The following UTP23 variants were observed in gnomAD, a reference collection of about 807,000 sequenced individuals.
The protein encoded by UTP23 is UTP23 small subunit processome component, also known as rRNA-processing protein UTP23 homolog.
UTP23 carries 10 observed loss-of-function variants against 19.8 expected under a neutral mutation model. That is an observed-to-expected ratio of 0.50 (90% CI 0.31 to 0.86). The LOEUF (loss-of-function observed/expected upper bound fraction) is 0.86. Among genes scored for constraint, UTP23 ranks in the 40% least tolerant of loss-of-function variants. The probability of loss-of-function intolerance (pLI) is 0.05; values close to 1 mark genes in which losing one functional copy is unlikely to be tolerated. For missense variants in UTP23, 282 were observed against 293.1 expected, an observed-to-expected ratio of 0.96 and a Z score of 0.28; for synonymous variants, 108 against 105.4, an observed-to-expected ratio of 1.02 and a Z score of -0.15.
In UTP23 at chr8:116,772,700, T is replaced by C; in HGVS notation, c.*858T>C. 1.0e-6 allele frequency: 1 copy of C among 985,056 alleles called. No individual in the cohort carries two copies. The highest frequency in any genetic ancestry group is 1.7e-5 in the African/African-American group (1 of 57,368). The allele number at this position is 985,056 out of a possible 1,614,324, so 61.0% of individuals were successfully genotyped here. On this transcript the variant is annotated 3_prime_UTR_variant, in exon 3 of 3. Coordinates refer to ENST00000309822, the MANE Select transcript of UTP23 (RefSeq NM_032334.3). Reference sequence around the variant, plus strand: ...AACTTCAATAGCAAGAATTCAAAAATAATATTCTCTTTGAGATTGACTGTG... The same window carrying C: ...AACTTCAATAGCAAGAATTCAAAAACAATATTCTCTTTGAGATTGACTGTG...
chr8:116,766,967 A>G (rs1199243967), intron 1 of UTP23, 176 bp downstream of exon 1: 2 of 601,490 alleles, frequency 3.3e-6, no homozygotes, highest in Non-Finnish European at 5.7e-6. Context: ...TAATAGAGGC[A>G]GATTGGACAG....
rs1563668333 is a variant in UTP23 at position 116,771,547 on chromosome 8, C to T, written c.455C>T (p.Pro152Leu). 6.2e-7 allele frequency: 1 copy of T among 1,611,540 alleles called. No homozygotes were observed. Among genetic ancestry groups the T allele is most frequent in the Non-Finnish European group, 8.5e-7 (1 of 1,179,370 alleles). ...ACTATGGTTTTGGACAAACCTTCTC[C>T]CAAAACAATTGCCTTTGTAAAAGCA... ...QNTMVLDKPS[P>L]KTIAFVKAVE... Residue 152 changes from proline to leucine, a missense_variant, in exon 3 of 3, where the codon CCC (proline) becomes CTC (leucine). Physicochemically the swap from Pro to Leu is moderately conservative, Grantham distance 98. Transcript: ENST00000309822.
chr8:116,774,041 A>G lies in UTP23; in HGVS notation c.*2199A>G, dbSNP rs1248774090. ...ACCATGGGAGTATGCACATGGGATCATAATCCATTCTGTGGTTTGGAAAAA... is the reference window on the plus strand; with the variant it reads ...ACCATGGGAGTATGCACATGGGATCGTAATCCATTCTGTGGTTTGGAAAAA... On this transcript the variant is annotated 3_prime_UTR_variant, in exon 3 of 3. Coordinates refer to ENST00000309822, the MANE Select transcript of UTP23 (RefSeq NM_032334.3). 1.0e-6 allele frequency: 1 copy of G among 985,270 alleles called. No individual in the cohort carries two copies. The highest frequency in any genetic ancestry group is 1.2e-6 in the Non-Finnish European group (1 of 829,930). 61.0% of individuals were successfully genotyped at this position (985,270 alleles called of 1,614,324 possible). A position where few individuals can be genotyped will look rare whatever the true frequency, so the allele number is the denominator to read the frequency against.
At position 116,773,803 on chromosome 8, in the gene UTP23, C is replaced by T. The variant is rs186484664; in HGVS notation, c.*1961C>T. On this transcript the variant is annotated 3_prime_UTR_variant, in exon 3 of 3. Transcript: ENST00000309822. ...CCAGCCTGGTGAGAGAGTGAAACCC[C>T]GTCTCAAAAATAAATAAATAAATAA... 1,265 of 677,272 alleles carry T rather than the reference C, an allele frequency of 1.9e-3. 1 individual carries two copies. The highest frequency in any genetic ancestry group is 3.0e-3 in the Middle Eastern group (4 of 1,324). 42.0% of individuals were successfully genotyped at this position (677,272 alleles called of 1,614,324 possible).
intron 1 of UTP23, among the ~76,000 whole-genome samples, chr8:116,768,494 A>C (rs987370284): frequency 6.6e-6 from 1 of 152,178 alleles, no homozygotes; most frequent in South Asian, 2.1e-4. Context: ...GCAGTTATTA[A>C]CATGGCCAAT....
chr8:116,773,368 ATTAAAT>A lies in UTP23; in HGVS notation c.*1530_*1535del, dbSNP rs1815684085. 5 of 977,666 alleles carry A rather than the reference ATTAAAT, an allele frequency of 5.1e-6. No individual in the cohort carries two copies. In the South Asian group the frequency reaches 2.4e-4, roughly 46 times the overall value. 60.6% of individuals were successfully genotyped at this position (977,666 alleles called of 1,614,324 possible). On this transcript the variant is annotated 3_prime_UTR_variant, in exon 3 of 3. Coordinates refer to ENST00000309822, the MANE Select transcript of UTP23 (RefSeq NM_032334.3). The stretch of plus-strand genomic sequence containing the variant: ...TACTCATTTCAATATGCTAAAATAC[ATTAAAT>A]TTAGGTATTACTCTTAATCTATTTC...
chr8:116,768,656 T>G (rs929030822), intron 1 of UTP23, among the ~76,000 whole-genome samples: 1 of 152,202 alleles, frequency 6.6e-6, no homozygotes, highest in Non-Finnish European at 1.5e-5. Context: ...TATATGTCAC[T>G]TAAGTTTTTT....
In UTP23 at chr8:116,772,314, A is replaced by G; in HGVS notation, c.*472A>G. ...TCCCATTCCCACCTTCAAACATTAT[A>G]TGCAAACAGTTTTAAAAAATCTTAC... is the stretch of plus-strand genomic sequence containing the variant. On this transcript the variant is annotated 3_prime_UTR_variant, in exon 3 of 3. Coordinates refer to ENST00000309822, the MANE Select transcript of UTP23 (RefSeq NM_032334.3). 1 of 985,520 alleles carries G rather than the reference A, an allele frequency of 1.0e-6. No homozygotes were observed. The highest frequency in any genetic ancestry group is 4.7e-5 in the South Asian group (1 of 21,288). 61.0% of individuals were successfully genotyped at this position (985,520 alleles called of 1,614,324 possible). A position where few individuals can be genotyped will look rare whatever the true frequency, so the allele number is the denominator to read the frequency against.
chr8:116,768,829 T>C (rs778533295), intron 1 of UTP23, among the ~76,000 whole-genome samples: 3 of 152,214 alleles, frequency 2.0e-5, no homozygotes, highest in Non-Finnish European at 4.4e-5. Flanking sequence ...CACGTCCTAC[T>C]AATTTTTGTA....
At chr8:116,767,905 C>T (rs1586504499) in intron 1 of UTP23, among the ~76,000 whole-genome samples, 1 of 152,228 alleles carries the variant, frequency 6.6e-6, no homozygotes, top group East Asian at 1.9e-4. Context: ...GTTCTTTATA[C>T]ACACTCACAC....
At position 116,771,732 on chromosome 8, in the gene UTP23, G is replaced by T. The variant is rs768180666; in HGVS notation, c.640G>T (p.Ala214Ser). The change falls in exon 3 of 3, where the codon GCA (alanine) becomes TCA (serine). Residue 214 changes from alanine to serine, a missense_variant. Physicochemically the swap from Ala to Ser is moderately conservative, Grantham distance 99 (BLOSUM62 1). Coordinates refer to ENST00000309822, the MANE Select transcript of UTP23 (RefSeq NM_032334.3). Reference protein sequence around the residue: ...PLSCLKKKKKAPDTQSSASEK... With the variant: ...PLSCLKKKKKSPDTQSSASEK... ...TAGTTGTTTGAAGAAAAAGAAAAAG[G>T]CACCGGACACACAATCATCTGCTTC... 3.7e-6 allele frequency: 6 copies of T among 1,612,484 alleles called. 1 individual carries two copies. The South Asian group carries it at 5.5e-5, about 15-fold the overall frequency.
Position 116,766,796 on chromosome 8 carries a change from G to GC in UTP23, c.188+8dup, listed in dbSNP as rs1462435010. The GC allele has an allele frequency of 2.0e-6, 3 of 1,532,090 alleles. No homozygotes were observed. Among genetic ancestry groups the GC allele is most frequent in the Non-Finnish European group, 1.8e-6 (2 of 1,137,672 alleles). 94.9% of individuals were successfully genotyped at this position (1,532,090 alleles called of 1,614,324 possible). A position where few individuals can be genotyped will look rare whatever the true frequency, so the allele number is the denominator to read the frequency against. ...GACGCAGCTGTGCACCACAAGGTGG[G>GC]CCCGGGGGGCTGGGGAGGAGGCACA... On this transcript the variant is annotated splice_donor_region_variant and intron_variant, in intron 1 of 2. Coordinates refer to ENST00000309822, the MANE Select transcript of UTP23 (RefSeq NM_032334.3).
At chr8:116,769,263 G>A (rs946338512) in intron 1 of UTP23, among the ~76,000 whole-genome samples, 4 of 152,194 alleles carry the variant, frequency 2.6e-5, no homozygotes, top group Non-Finnish European at 5.9e-5. Context: ...TAATCAAGAA[G>A]TAAGGGGAGC....
Position 116,771,498 on chromosome 8 carries a change from C to A in UTP23, c.406C>A (p.Pro136Thr). Residue 136 changes from proline to threonine, a missense_variant, in exon 3 of 3, where the codon CCT becomes ACT. Pro to Thr is a conservative substitution (Grantham distance 38). Transcript: ENST00000309822. ...SVKVKKKPGV[P>T]LMFIIQNTMV... ...GAAAGTAAAAAAGAAGCCTGGAGTT[C>A]CTCTCATGTTTATTATTCAGAACAC... is the stretch of plus-strand genomic sequence containing the variant. 1 of 1,532,046 alleles carries A rather than the reference C, an allele frequency of 6.5e-7. No individual in the cohort carries two copies. The highest frequency in any genetic ancestry group is 1.3e-5 in the South Asian group (1 of 75,894). The allele number at this position is 1,532,046 out of a possible 1,614,324, so 94.9% of individuals were successfully genotyped here. A position where few individuals can be genotyped will look rare whatever the true frequency, so the allele number is the denominator to read the frequency against.
Position 116,771,697 on chromosome 8 carries a change from C to T in UTP23, c.605C>T (p.Pro202Leu), listed in dbSNP as rs778049882. The part of the protein sequence containing the change: ...RRKKRKKISG[P>L]NPLSCLKKKK... ...AAAAAGCGCAAGAAAATAAGTGGTC[C>T]CAATCCTCTTAGTTGTTTGAAGAAA... Residue 202 changes from proline to leucine, a missense_variant, in exon 3 of 3, where the codon CCC becomes CTC. Physicochemically the swap from Pro to Leu is moderately conservative, Grantham distance 98 (BLOSUM62 -3). Transcript: ENST00000309822. The T allele has an allele frequency of 1.9e-6, 3 of 1,612,818 alleles. No individual in the cohort carries two copies. The South Asian group carries it at 3.3e-5, about 18-fold the overall frequency.
intron 1 of UTP23, among the ~76,000 whole-genome samples, chr8:116,767,565 A>G (rs1388714885): frequency 6.6e-6 from 1 of 152,224 alleles, no homozygotes; most frequent in Non-Finnish European, 1.5e-5. Flanking sequence ...CAGATTTCAG[A>G]TAACATTTGA....
At position 116,773,683 on chromosome 8, in the gene UTP23, G is replaced by A. The variant is rs549186558; in HGVS notation, c.*1841G>A. On this transcript the variant is annotated 3_prime_UTR_variant, in exon 3 of 3. Coordinates refer to ENST00000309822, the MANE Select transcript of UTP23 (RefSeq NM_032334.3). The stretch of plus-strand genomic sequence containing the variant: ...AAATTAGCTGGGTGTGGTGGTGTGC[G>A]CCTGTAGTCCCAGCTACTCGGGAGG... 1.5e-4 allele frequency: 41 copies of A among 273,624 alleles called. No homozygotes were observed. Among genetic ancestry groups the A allele is most frequent in the South Asian group, 2.8e-4 (2 of 7,192 alleles). 16.9% of individuals were successfully genotyped at this position (273,624 alleles called of 1,614,324 possible). A position where few individuals can be genotyped will look rare whatever the true frequency, so the allele number is the denominator to read the frequency against.
Position 116,771,670 on chromosome 8 carries a change from G to T in UTP23, c.578G>T (p.Arg193Ile). 6 of 1,610,588 alleles carry T rather than the reference G, an allele frequency of 3.7e-6. No homozygotes were observed. Among genetic ancestry groups the T allele is most frequent in the Middle Eastern group, 3.3e-4 (2 of 6,042 alleles). Residue 193 changes from arginine to isoleucine, a missense_variant, in exon 3 of 3, where the codon AGA becomes ATA. Transcript: ENST00000309822. ...GLVKNTEQSR[R>I]KKRKKISGPN... ...GTGAAAAACACTGAACAGAGTAGAA[G>T]AAAAAAGCGCAAGAAAATAAGTGGT...
At position 116,770,302 on chromosome 8, in the gene UTP23, G is replaced by C; in HGVS notation, c.299G>C (p.Gly100Ala). The C allele has an allele frequency of 1.9e-6, 3 of 1,614,032 alleles. No individual in the cohort carries two copies. The highest frequency in any genetic ancestry group is 2.5e-6 in the Non-Finnish European group (3 of 1,179,934). Reference sequence around the variant, plus strand: ...CCTCATTTCAAGAATGCAGTGAGTGGATCAGAATGTCTGCTTTCCATGGTT... The same window carrying C: ...CCTCATTTCAAGAATGCAGTGAGTGCATCAGAATGTCTGCTTTCCATGGTT... ...NCPHFKNAVS[G>A]SECLLSMVEE... The change falls in exon 2 of 3, where the codon GGA becomes GCA. Residue 100 changes from glycine (G) to alanine (A), a missense_variant. Transcript: ENST00000309822.
Sources: gnomAD v4.1 joint callset for allele counts (sites outside exome capture counted in the v4.1 genomes callset) on GRCh38, gnomAD v4.1.1 for gene constraint, MANE v1.5 for transcripts, NCBI Gene and HGNC (gene_info 2026-07-23, HGNC 2026-07-21) for gene names.